The following GRM7 variants were observed in gnomAD, a reference collection of about 807,000 sequenced individuals.
The protein encoded by GRM7 is glutamate metabotropic receptor 7, also known as metabotropic glutamate receptor 7.
Under a neutral mutation model 84.5 loss-of-function variants are expected in GRM7, and 35 were observed. That is an observed-to-expected ratio of 0.41 (90% CI 0.32 to 0.55). The LOEUF (loss-of-function observed/expected upper bound fraction) is 0.55, where lower values mean the gene tolerates loss of function less well. GRM7 is among the 20% of genes least tolerant of loss of function. The probability of loss-of-function intolerance (pLI) is 0.19; values close to 1 mark genes in which losing one functional copy is unlikely to be tolerated. For synonymous variants in GRM7, 487 were observed against 455.1 expected, an observed-to-expected ratio of 1.07 and a Z score of -0.89; for missense variants, 1,003 against 1,194.6, an observed-to-expected ratio of 0.84 and a Z score of 2.36.
In GRM7 at chr3:7,247,388, A is replaced by AG. The variant is rs553261471; in HGVS notation, c.737-51296_737-51295insG. ...GGAGTTTGAGACCAGCTTGGGCAAA[A>AG]TGTGAGACCCCTATCTCTACAAAAT... On this transcript the variant is annotated intron_variant, in intron 2 of 9. Coordinates refer to ENST00000357716, the MANE Select transcript of GRM7 (RefSeq NM_000844.4). Among the ~76,000 whole-genome samples, 89 of 152,108 alleles carry AG rather than the reference A, an allele frequency of 5.9e-4. 5 individuals are homozygous for AG. In the South Asian group the frequency reaches 0.014, roughly 24 times the overall value.
At chr3:7,502,625 C>T (rs1699918721) in intron 7 of GRM7, among the ~76,000 whole-genome samples, 1 of 152,018 alleles carries the variant, frequency 6.6e-6, no homozygotes, top group Admixed American at 6.5e-5. Context: ...TATGATTGCC[C>T]TACTTAATAG....
At chr3:7,120,150 C>T (rs190916051) in intron 1 of GRM7, among the ~76,000 whole-genome samples, 1 of 152,002 alleles carries the variant, frequency 6.6e-6, no homozygotes, top group East Asian at 1.9e-4. Flanking sequence ...GGAGGTAATC[C>T]TGAGTATTAC....
chr3:7,449,964 A>T (rs542177661), intron 5 of GRM7, among the ~76,000 whole-genome samples: 1 of 152,272 alleles, frequency 6.6e-6, no homozygotes, highest in South Asian at 2.1e-4. Context: ...GCATTTTATT[A>T]GAAAGAAATG....
Position 7,163,058 on chromosome 3 carries a change from C to G in GRM7, c.736+16390C>G, listed in dbSNP as rs148699955. ...TACAGGTGTGAGCCACCATGCCCAG[C>G]CTACTCTTCTAGTTTTTTCTACTCC... On this transcript the variant is annotated intron_variant, in intron 2 of 9. Coordinates refer to ENST00000357716, the MANE Select transcript of GRM7 (RefSeq NM_000844.4). 2.8e-4 allele frequency among the ~76,000 whole-genome samples: 42 copies of G among 152,122 alleles called. No individual in the cohort carries two copies. In the East Asian group the frequency reaches 7.7e-3, roughly 28 times the overall value.
chr3:7,259,953 G>GTTTTTTTGTTTTTTTTTTTT (rs1698352127), intron 2 of GRM7, among the ~76,000 whole-genome samples: 1 of 89,668 alleles, frequency 1.1e-5, no homozygotes, highest in African/African-American at 5.9e-5. Context: ...ACCAGCATCT[G>GTTTTTTTGTTTTTTTTTTTT]TTTTTTTTTT....
At chr3:7,508,753 C>G (rs1287332508) in intron 7 of GRM7, among the ~76,000 whole-genome samples, 1 of 152,136 alleles carries the variant, frequency 6.6e-6, no homozygotes, top group Non-Finnish European at 1.5e-5. Context: ...TTCATAAAAA[C>G]TTTGGGAAGG....
Position 7,395,661 on chromosome 3 carries a change from T to A in GRM7, c.1034-19362T>A, listed in dbSNP as rs560651716. ...ATGGTTTTATAAATGGGAATTCCCC[T>A]CACAAGCTCTCTTGCCTGCTGCCAT... On this transcript the variant is annotated intron_variant, in intron 4 of 9. Transcript: ENST00000357716. 3.3e-4 allele frequency among the ~76,000 whole-genome samples: 50 copies of A among 152,274 alleles called. No individual in the cohort carries two copies. In the South Asian group the frequency reaches 4.6e-3, roughly 14 times the overall value.
At chr3:6,872,110 G>A (rs1385434611) in intron 1 of GRM7, among the ~76,000 whole-genome samples, 3 of 152,110 alleles carry the variant, frequency 2.0e-5, no homozygotes, top group Non-Finnish European at 4.4e-5. Flanking sequence ...TTTGGATTTG[G>A]GAGGTATGAA....
intron 2 of GRM7, among the ~76,000 whole-genome samples, chr3:7,278,272 T>C (rs1414617144): frequency 6.6e-6 from 1 of 152,040 alleles, no homozygotes; most frequent in Non-Finnish European, 1.5e-5. Context: ...AGTTTTATTT[T>C]GTCCTTGAGT....
At chr3:7,510,966 T>C (rs1336854466) in intron 7 of GRM7, among the ~76,000 whole-genome samples, 6 of 152,120 alleles carry the variant, frequency 3.9e-5, no homozygotes, top group Admixed American at 2.6e-4. Context: ...ACTTTGCCAA[T>C]CCCTAATTTA....
intron 8 of GRM7, among the ~76,000 whole-genome samples, chr3:7,664,552 G>A (rs1177776602): frequency 6.6e-6 from 1 of 152,154 alleles, no homozygotes; most frequent in African/African-American, 2.4e-5. Context: ...AGGTACATAT[G>A]CAGAACGTGC....
At chr3:7,335,733 A>G (rs996734874) in intron 4 of GRM7, among the ~76,000 whole-genome samples, 3 of 152,128 alleles carry the variant, frequency 2.0e-5, no homozygotes, top group Admixed American at 6.6e-5. Context: ...TATTACAACA[A>G]ATACCACAGA....
At chr3:7,275,035 T>C (rs185559343) in intron 2 of GRM7, among the ~76,000 whole-genome samples, 2 of 152,304 alleles carry the variant, frequency 1.3e-5, no homozygotes. Flanking sequence ...TATTGAGATA[T>C]GCTTACGCTC....
intron 4 of GRM7, among the ~76,000 whole-genome samples, chr3:7,307,054 T>C (rs960135444): frequency 6.6e-6 from 1 of 151,968 alleles, no homozygotes; most frequent in Non-Finnish European, 1.5e-5. Flanking sequence ...AAGAACCCTT[T>C]CCCCCCTTAT....
intron 4 of GRM7, among the ~76,000 whole-genome samples, chr3:7,397,003 G>T (rs1457559369): frequency 6.6e-6 from 1 of 152,018 alleles, no homozygotes; most frequent in South Asian, 2.1e-4. Flanking sequence ...AAGGAAGATG[G>T]ACCCATTCTG....
At chr3:7,563,304 G>A (rs752976689) in intron 7 of GRM7, among the ~76,000 whole-genome samples, 4 of 152,142 alleles carry the variant, frequency 2.6e-5, no homozygotes, top group Non-Finnish European at 5.9e-5. Context: ...AGGCATAAAA[G>A]AGGACATTTT....
chr3:7,345,227 A>G (rs1692836759), intron 4 of GRM7, among the ~76,000 whole-genome samples: 1 of 152,036 alleles, frequency 6.6e-6, no homozygotes, highest in Non-Finnish European at 1.5e-5. Context: ...TTGTTTATAA[A>G]ATAATGTTAA....
At chr3:6,976,190 A>G (rs1449728568) in intron 1 of GRM7, among the ~76,000 whole-genome samples, 1 of 152,206 alleles carries the variant, frequency 6.6e-6, no homozygotes. Context: ...TAGTTTAAGA[A>G]CAATACCAAT....
At chr3:7,025,298 T>C (rs1213884867) in intron 1 of GRM7, among the ~76,000 whole-genome samples, 1 of 152,112 alleles carries the variant, frequency 6.6e-6, no homozygotes, top group African/African-American at 2.4e-5. Flanking sequence ...AACTCATGGG[T>C]TCTAGGAATT....
Sources: allele counts gnomAD v4.1 joint callset (sites outside exome capture counted in the v4.1 genomes callset), GRCh38; gene constraint gnomAD v4.1.1; transcripts MANE v1.5; gene names NCBI Gene and HGNC (gene_info 2026-07-23, HGNC 2026-07-21).